The following NDUFS1 variants were observed in gnomAD, a reference collection of about 807,000 sequenced individuals.
NDUFS1 encodes the protein NADH:ubiquinone oxidoreductase core subunit S1, also known as NADH-ubiquinone oxidoreductase 75 kDa subunit, mitochondrial.
A neutral mutation model predicts 84.4 loss-of-function variants in NDUFS1; 61 were observed. That is an observed-to-expected ratio of 0.72 (90% confidence interval 0.59 to 0.89). The LOEUF is 0.89. NDUFS1 is among the 40% of genes least tolerant of loss of function. NDUFS1 has a pLI of 0.00. For synonymous variants in NDUFS1, 275 were observed against 290.0 expected, an observed-to-expected ratio of 0.95 and a Z score of 0.53; for missense variants, 891 against 890.0, an observed-to-expected ratio of 1.00 and a Z score of -0.01.
rs201997807 is a variant in NDUFS1, at chr2:206,153,630, G to C, written c.49C>G (p.Pro17Ala). The C allele has an allele frequency of 1.3e-6, 2 of 1,545,334 alleles. No individual in the cohort carries two copies. The highest frequency in any genetic ancestry group is 1.4e-5 in the African/African-American group (1 of 73,396). ...AGAAAATACTCACCACATCCTTTAG[G>C]AGACTTAGAAAGGCCTACTAAGGCC... ...RKALVGLSKS[P>A]KGCVRTTATA... Residue 17 changes from proline (P) to alanine (A), a missense_variant, in exon 2 of 19, where the codon CCT becomes GCT. By Grantham distance (27) the Pro-to-Ala change is conservative. Coordinates refer to ENST00000233190, the MANE Select transcript of NDUFS1 (RefSeq NM_005006.7).
intron 7 of NDUFS1, 57 bp from the exon 8 acceptor site, chr2:206,147,145 T>C: frequency 1.9e-5 from 29 of 1,517,764 alleles, no homozygotes; most frequent in Non-Finnish European, 2.7e-5. Flanking sequence ...ATTTCCTTTC[T>C]TATTCATGAT....
chr2:206,159,158 G>A (rs1687806056), intron 1 of NDUFS1, 183 bp downstream of exon 1: 17 of 1,535,526 alleles, frequency 1.1e-5, no homozygotes, highest in Non-Finnish European at 1.5e-5. Flanking sequence ...CATCAGACCA[G>A]AGACCGTGGC....
At position 206,138,632 on chromosome 2, in the gene NDUFS1, T is replaced by C. The variant is rs377742466; in HGVS notation, c.1263-18A>G. On this transcript the variant is annotated intron_variant, in intron 12 of 18. Transcript: ENST00000233190. ...GCAGCCAGCTGAAATAAAAACAACATTTTAAGAAGTAAATAACTAAGCTAA... is the reference window on the plus strand; with the variant it reads ...GCAGCCAGCTGAAATAAAAACAACACTTTAAGAAGTAAATAACTAAGCTAA... 13 of 1,612,940 alleles carry C rather than the reference T, an allele frequency of 8.1e-6. No individual in the cohort carries two copies.
At chr2:206,149,511 T>C (rs140223277) in intron 4 of NDUFS1, among the ~76,000 whole-genome samples, 3 of 152,198 alleles carry the variant, frequency 2.0e-5, no homozygotes, top group Non-Finnish European at 4.4e-5. Flanking sequence ...GCACTTTTAA[T>C]GTGCTACTTG....
chr2:206,141,918 C>T (rs953613966), intron 12 of NDUFS1, 23 bp downstream of exon 12: 2 of 1,598,180 alleles, frequency 1.3e-6, no homozygotes, highest in African/African-American at 1.3e-5. Context: ...ATTTTTAAAC[C>T]TTGAATAAAT....
chr2:206,126,419 C>T (rs138621583), intron 18 of NDUFS1, 120 bp downstream of exon 18: 3 of 953,688 alleles, frequency 3.1e-6, no homozygotes, highest in Admixed American at 4.0e-5. Flanking sequence ...GTTTGAAAAC[C>T]TTCAAAGATT....
At chr2:206,141,421 A>C (rs988656886) in intron 12 of NDUFS1, among the ~76,000 whole-genome samples, 1 of 151,668 alleles carries the variant, frequency 6.6e-6, no homozygotes, top group Non-Finnish European at 1.5e-5. Flanking sequence ...AGTCCCAGCT[A>C]CTCGGGAGGC....
intron 1 of NDUFS1, among the ~76,000 whole-genome samples, chr2:206,155,175 G>A (rs192769769): frequency 1.3e-5 from 2 of 152,016 alleles, no homozygotes; most frequent in African/African-American, 4.8e-5. Flanking sequence ...CTGGAGTGCT[G>A]TGGCGCGATC....
chr2:206,116,212 T>G lies in NDUFS1; in HGVS notation c.*7973A>C. On this transcript the variant is annotated 3_prime_UTR_variant, in exon 19 of 19. Coordinates refer to ENST00000233190, the MANE Select transcript of NDUFS1 (RefSeq NM_005006.7). ...GTGTCATCTTGATCAGCCAACCATCTTCATAACGAGATTTGTTTACAAGTC... is the reference window on the plus strand; with the variant it reads ...GTGTCATCTTGATCAGCCAACCATCGTCATAACGAGATTTGTTTACAAGTC... 1 of 1,387,380 alleles carries G rather than the reference T, an allele frequency of 7.2e-7. No homozygotes were observed. The highest frequency in any genetic ancestry group is 1.4e-5 in the African/African-American group (1 of 70,918). 85.9% of individuals were successfully genotyped at this position (1,387,380 alleles called of 1,614,324 possible).
At chr2:206,125,714 C>T (rs2105942442) in intron 18 of NDUFS1, among the ~76,000 whole-genome samples, 1 of 151,350 alleles carries the variant, frequency 6.6e-6, no homozygotes, top group Non-Finnish European at 1.5e-5. Flanking sequence ...CACCAGTAAA[C>T]TCATGTCACA....
At chr2:206,157,459 A>G (rs769119219) in intron 1 of NDUFS1, among the ~76,000 whole-genome samples, 40 of 152,246 alleles carry the variant, frequency 2.6e-4, no homozygotes, top group Non-Finnish European at 4.4e-4. Context: ...TAACCACCAA[A>G]CAGTCTTATC....
At chr2:206,127,733 T>C in intron 16 of NDUFS1, 64 bp downstream of exon 16, 1 of 1,549,528 alleles carries the variant, frequency 6.5e-7, no homozygotes, top group Non-Finnish European at 8.9e-7. Flanking sequence ...AAAATCATTC[T>C]AACAGGCTAA....
intron 2 of NDUFS1, among the ~76,000 whole-genome samples, chr2:206,153,033 A>G (rs560988095): frequency 6.6e-5 from 10 of 152,048 alleles, no homozygotes; most frequent in Non-Finnish European, 1.2e-4. Flanking sequence ...GTCACTGAAA[A>G]TATGTTCATG....
chr2:206,155,571 A>G (rs767533482), intron 1 of NDUFS1, among the ~76,000 whole-genome samples: 3 of 151,998 alleles, frequency 2.0e-5, no homozygotes, highest in Non-Finnish European at 4.4e-5. Context: ...GCGCCCATCA[A>G]CATGCCCGGC....
chr2:206,155,699 T>C (rs1325738384), intron 1 of NDUFS1, among the ~76,000 whole-genome samples: 3 of 151,940 alleles, frequency 2.0e-5, no homozygotes, highest in East Asian at 3.9e-4. Context: ...ATTACAGGTG[T>C]GAGCCAATAC....
intron 1 of NDUFS1, chr2:206,158,952 T>C: frequency 1.3e-6 from 1 of 777,844 alleles, no homozygotes; most frequent in Admixed American, 2.3e-5. Context: ...GTATCAGGCG[T>C]GTAAAAATCT....
chr2:206,132,833 G>T, intron 14 of NDUFS1, 112 bp downstream of exon 14: 1 of 934,172 alleles, frequency 1.1e-6, no homozygotes, highest in Non-Finnish European at 1.7e-6. Context: ...GTGTAACTGG[G>T]ATAATGTTGC....
At chr2:206,138,455 CA>C in intron 13 of NDUFS1, 29 bp downstream of exon 13, 3 of 1,599,562 alleles carry the variant, frequency 1.9e-6, no homozygotes, top group Non-Finnish European at 2.6e-6. Context: ...TAAAAATCAA[CA>C]AGAGTAGATA....
rs367762150 is a variant in NDUFS1, at chr2:206,159,397, C to A, written c.-61G>T. ...TAAACTGTCTGGACCACGACGACCCCCTAGGAGGCCGGGTCGCTTATTCAA... is the reference window on the plus strand; with the variant it reads ...TAAACTGTCTGGACCACGACGACCCACTAGGAGGCCGGGTCGCTTATTCAA... On this transcript the variant is annotated 5_prime_UTR_variant, in exon 1 of 19. Coordinates refer to ENST00000233190, the MANE Select transcript of NDUFS1 (RefSeq NM_005006.7). 3 of 516,594 alleles carry A rather than the reference C, an allele frequency of 5.8e-6. No individual in the cohort carries two copies. The highest frequency in any genetic ancestry group is 6.9e-6 in the Non-Finnish European group (2 of 288,548). The allele number at this position is 516,594 out of a possible 1,614,324, so 32.0% of individuals were successfully genotyped here.
Sources: allele counts gnomAD v4.1 joint callset (sites outside exome capture counted in the v4.1 genomes callset), GRCh38; gene constraint gnomAD v4.1.1; transcripts MANE v1.5; gene names NCBI Gene and HGNC (gene_info 2026-07-23, HGNC 2026-07-21).